CHD6: variants seen among roughly 807,000 people sequenced by gnomAD.
CHD6 encodes the protein ATP-dependent chromatin remodeler CHD6.
In CHD6, 50 loss-of-function variants were observed where a neutral mutation model predicts 276.9. That is an observed-to-expected ratio of 0.18 (90% CI 0.14 to 0.23). CHD6 has a LOEUF of 0.23. Ranked by LOEUF, CHD6 falls within the 10% of genes least tolerant of loss-of-function variation. The probability of loss-of-function intolerance (pLI) is 1.00; values close to 1 mark genes in which losing one functional copy is unlikely to be tolerated. For missense variants in CHD6, 2,564 were observed against 3,365.8 expected, an observed-to-expected ratio of 0.76 and a Z score of 5.89; for synonymous variants, 1,173 against 1,229.3, an observed-to-expected ratio of 0.95 and a Z score of 0.96.
chr20:41,504,456 G>T (rs2043928216), intron 5 of CHD6, among the ~76,000 whole-genome samples: 1 of 142,514 alleles, frequency 7.0e-6, no homozygotes. Flanking sequence ...CACCCAGGCT[G>T]GAAAGTGCAG....
chr20:41,467,289 A>AT (rs1278663470), intron 17 of CHD6, among the ~76,000 whole-genome samples: 1 of 152,120 alleles, frequency 6.6e-6, no homozygotes, highest in Non-Finnish European at 1.5e-5. Flanking sequence ...AGAGAACTCA[A>AT]TAAAAAAAAA....
intron 16 of CHD6, among the ~76,000 whole-genome samples, chr20:41,477,798 A>G (rs2043199792): frequency 6.6e-6 from 1 of 152,202 alleles, no homozygotes; most frequent in Non-Finnish European, 1.5e-5. Flanking sequence ...GGTATCCCCG[A>G]AAGCAGGGAC....
Position 41,504,077 on chromosome 20 carries a change from C to CAAAAAAAAAAAAAAAAAAAA in CHD6, c.853-4740_853-4721dup, listed in dbSNP as rs1189323419. On this transcript the variant is annotated intron_variant, in intron 5 of 36. Transcript: ENST00000373233. ...TGGGTGATAGAGTGAGACTCTGTCT[C>CAAAAAAAAAAAAAAAAAAAA]AAAAAAAAAAAAAAAAAAAAAAAAA... 1.1e-3 allele frequency among the ~76,000 whole-genome samples: 29 copies of CAAAAAAAAAAAAAAAAAAAA among 27,094 alleles called. 2 individuals carry two copies. Among genetic ancestry groups the CAAAAAAAAAAAAAAAAAAAA allele is most frequent in the African/African-American group, 2.1e-3 (16 of 7,716 alleles). 17.8% of individuals were successfully genotyped at this position (27,094 alleles called of 152,430 possible).
chr20:41,617,181 C>A (rs1355105706), intron 1 of CHD6, among the ~76,000 whole-genome samples: 2 of 152,118 alleles, frequency 1.3e-5, no homozygotes, highest in African/African-American at 4.8e-5. Context: ...AAATAAGGCA[C>A]ACACACAGCC....
chr20:41,478,858 TATTCTC>T (rs1370793549), intron 16 of CHD6, among the ~76,000 whole-genome samples: 1 of 152,214 alleles, frequency 6.6e-6, no homozygotes, highest in African/African-American at 2.4e-5. Flanking sequence ...AAAATTCAGT[TATTCTC>T]ATTCTCAAGG....
chr20:41,548,792 TA>T (rs1178798842), intron 2 of CHD6, among the ~76,000 whole-genome samples: 1 of 150,510 alleles, frequency 6.6e-6, no homozygotes, highest in Non-Finnish European at 1.5e-5. Flanking sequence ...CAAACAAATT[TA>T]CAAGAAAAAA....
At chr20:41,434,645 C>T (rs564343950) in intron 27 of CHD6, among the ~76,000 whole-genome samples, 1 of 152,204 alleles carries the variant, frequency 6.6e-6, no homozygotes. Flanking sequence ...GCTGGGACTA[C>T]AGGCATGAGT....
chr20:41,564,544 T>C (rs1194692612), intron 1 of CHD6, among the ~76,000 whole-genome samples: 1 of 152,144 alleles, frequency 6.6e-6, no homozygotes, highest in Non-Finnish European at 1.5e-5. Flanking sequence ...ATAAAGAGAA[T>C]TTTAGGGGAT....
At chr20:41,487,873 G>A (rs1846161258) in intron 13 of CHD6, 65 bp from the exon 14 acceptor site, 2 of 1,546,594 alleles carry the variant, frequency 1.3e-6, no homozygotes, top group South Asian at 2.5e-5. Flanking sequence ...TTTTCGTGGG[G>A]AAAATTAAGC....
intron 4 of CHD6, among the ~76,000 whole-genome samples, chr20:41,513,746 C>T (rs2044178168): frequency 6.6e-6 from 1 of 152,144 alleles, no homozygotes; most frequent in South Asian, 2.1e-4. Flanking sequence ...TCAGCCAGCT[C>T]ACTCTCAAAT....
At chr20:41,442,869 A>C (rs1405077063) in intron 25 of CHD6, among the ~76,000 whole-genome samples, 1 of 152,338 alleles carries the variant, frequency 6.6e-6, no homozygotes, top group Non-Finnish European at 1.5e-5. Context: ...CATCTGTCCA[A>C]CCTCATCTAA....
rs913643847 is a variant in CHD6, at chr20:41,473,958, T to G, written c.2469-441A>C. On this transcript the variant is annotated intron_variant, in intron 16 of 36. Coordinates refer to ENST00000373233, the MANE Select transcript of CHD6 (RefSeq NM_032221.5). The surrounding 1 kb of genome is among the most constrained non-coding windows in gnomAD (Gnocchi z 4.1). ...AAAGGACTCAGAGTTTTCATCAGTT[T>G]CCAGCTACTTTAGGGTAAACCAGAA... 6.6e-6 allele frequency among the ~76,000 whole-genome samples: 1 copy of G among 152,214 alleles called. No individual in the cohort carries two copies. Among genetic ancestry groups the G allele is most frequent in the Non-Finnish European group, 1.5e-5 (1 of 68,038 alleles).
At chr20:41,586,944 T>C (rs185980623) in intron 1 of CHD6, among the ~76,000 whole-genome samples, 2 of 152,136 alleles carry the variant, frequency 1.3e-5, no homozygotes, top group African/African-American at 4.8e-5. Context: ...CTCAATATCA[T>C]GTGAGGAGGA....
At chr20:41,566,062 C>T (rs1017357733) in intron 1 of CHD6, among the ~76,000 whole-genome samples, 1 of 152,096 alleles carries the variant, frequency 6.6e-6, no homozygotes, top group Non-Finnish European at 1.5e-5. Flanking sequence ...CCATGAGAAG[C>T]AGTTCTCAAT....
At chr20:41,411,864 T>C (rs1555885461) in intron 36 of CHD6, among the ~76,000 whole-genome samples, 1 of 152,170 alleles carries the variant, frequency 6.6e-6, no homozygotes, top group Non-Finnish European at 1.5e-5. Flanking sequence ...ACTCTACAAA[T>C]AGGAGAAACA....
At position 41,425,363 on chromosome 20, in the gene CHD6, G is replaced by A. The variant is rs1569064446; in HGVS notation, c.4161C>T (p.Pro1387=). 6.2e-7 allele frequency: 1 copy of A among 1,614,152 alleles called. No homozygotes were observed. Among genetic ancestry groups the A allele is most frequent in the Admixed American group, 1.7e-5 (1 of 60,030 alleles). The change falls in exon 29 of 37, where the codon CCC becomes CCT. Residue 1387 remains proline, a synonymous_variant. Coordinates refer to ENST00000373233, the MANE Select transcript of CHD6 (RefSeq NM_032221.5). ...CTGTGAGGGCGGAGGAAACTGGCCA[G>A]GGCGATTTGTCTGGGTCGGAGCCAT... is the stretch of plus-strand genomic sequence containing the variant. The part of the protein sequence containing the change: ...AQDGSDPDKS[P]WPVSSALTAR...
intron 12 of CHD6, 96 bp downstream of exon 12, chr20:41,489,682 C>G (rs2043501878): frequency 6.7e-7 from 1 of 1,482,858 alleles, no homozygotes. Flanking sequence ...CACATTAATA[C>G]AAGATGCAGG....
At chr20:41,462,769 T>C (rs1232099006) in intron 17 of CHD6, among the ~76,000 whole-genome samples, 1 of 152,202 alleles carries the variant, frequency 6.6e-6, no homozygotes, top group African/African-American at 2.4e-5. Flanking sequence ...TATACACACA[T>C]ATACAAATGA....
At chr20:41,453,065 A>T in intron 20 of CHD6, 123 bp from the exon 21 acceptor site, 1 of 718,888 alleles carries the variant, frequency 1.4e-6, no homozygotes, top group Non-Finnish European at 2.4e-6. Context: ...TCCAGCACGA[A>T]GGGCTATTCC....
Sources: gnomAD v4.1 joint callset for allele counts (sites outside exome capture counted in the v4.1 genomes callset) on GRCh38, gnomAD v4.1.1 for gene constraint, Gnocchi (gnomAD v3.1) non-coding constraint, MANE v1.5 for transcripts, NCBI Gene and HGNC (gene_info 2026-07-23, HGNC 2026-07-21) for gene names.